LIN28B: variants seen among roughly 807,000 people sequenced by gnomAD.
LIN28B encodes protein lin-28 homolog B.
Under a neutral mutation model 21.9 loss-of-function variants are expected in LIN28B, and 5 were observed. The ratio of observed to expected loss-of-function variants is 0.23; its 90% CI spans 0.12 to 0.48. LIN28B has a LOEUF of 0.48. Ranked by LOEUF, LIN28B falls within the 20% of genes least tolerant of loss-of-function variation. The pLI is 0.98. For missense variants in LIN28B, 245 were observed against 310.5 expected (o/e 0.79, Z 1.58); for synonymous variants, 109 against 111.3 (o/e 0.98, Z 0.13).
intron 3 of LIN28B, among the ~76,000 whole-genome samples, chr6:105,063,648 GAAAA>G (rs1230150037): frequency 1.5e-5 from 2 of 133,306 alleles, no homozygotes; most frequent in South Asian, 5.0e-4. Flanking sequence ...GGGGGGGGGG[GAAAA>G]AAAGGTAAAG....
chr6:105,045,541 C>CT (rs1258260799), intron 3 of LIN28B: 1 of 152,150 alleles, frequency 6.6e-6, no homozygotes, highest in African/African-American at 2.4e-5. Flanking sequence ...CCGCCTCAGT[C>CT]TCCCAAACTG....
intron 3 of LIN28B, among the ~76,000 whole-genome samples, chr6:105,052,322 G>A (rs747968810): frequency 7.9e-5 from 12 of 152,112 alleles, no homozygotes; most frequent in African/African-American, 1.4e-4. Context: ...GAATACCACC[G>A]ATTAGGTAAT....
At chr6:104,984,178 A>AT (rs1441550371) in intron 2 of LIN28B, among the ~76,000 whole-genome samples, 1 of 152,208 alleles carries the variant, frequency 6.6e-6, no homozygotes, top group Non-Finnish European at 1.5e-5. Context: ...AGTGATTTTA[A>AT]TTTTTATTTG....
intron 2 of LIN28B, among the ~76,000 whole-genome samples, chr6:104,958,701 G>C (rs941941405): frequency 1.1e-4 from 17 of 152,136 alleles, no homozygotes; most frequent in African/African-American, 3.6e-4. Flanking sequence ...GAAATGTATA[G>C]ATTGCCTTAT....
chr6:105,053,714 C>CATGTGT (rs61525783), intron 3 of LIN28B, among the ~76,000 whole-genome samples: 2,353 of 147,318 alleles, frequency 0.016, 37 homozygotes, highest in African/African-American at 0.036. Flanking sequence ...TGTGTGGGTG[C>CATGTGT]GTGTGTGTGT....
At chr6:105,064,587 A>G (rs2114406330) in intron 3 of LIN28B, among the ~76,000 whole-genome samples, 1 of 152,342 alleles carries the variant, frequency 6.6e-6, no homozygotes, top group Non-Finnish European at 1.5e-5. Flanking sequence ...AAACACATAA[A>G]GAGAACTTTA....
chr6:105,074,517 A>T (rs1772389065), intron 3 of LIN28B, among the ~76,000 whole-genome samples: 1 of 152,016 alleles, frequency 6.6e-6, no homozygotes, highest in South Asian at 2.1e-4. Context: ...GAAATTATAA[A>T]TCTTATTTTG....
intron 3 of LIN28B, among the ~76,000 whole-genome samples, chr6:105,070,876 C>G (rs534922327): frequency 6.6e-6 from 1 of 152,110 alleles, no homozygotes; most frequent in East Asian, 1.9e-4. Flanking sequence ...TTTTTACATT[C>G]ATTCATTCAT....
intron 2 of LIN28B, among the ~76,000 whole-genome samples, chr6:105,006,273 A>G (rs1209367509): frequency 6.6e-6 from 1 of 152,010 alleles, no homozygotes; most frequent in African/African-American, 2.4e-5. Context: ...TTTTTGTTCC[A>G]CTCAGCATAG....
chr6:104,952,853 T>C (rs1473971163), upstream of LIN28B, among the ~76,000 whole-genome samples: 3 of 152,214 alleles, frequency 2.0e-5, no homozygotes, highest in Non-Finnish European at 4.4e-5. Context: ...TGTATAAAAA[T>C]TCTAACGTTG....
intron 2 of LIN28B, among the ~76,000 whole-genome samples, chr6:105,008,851 C>A (rs907338587): frequency 6.6e-6 from 1 of 152,054 alleles, no homozygotes; most frequent in Non-Finnish European, 1.5e-5. Context: ...TGGTTAAAAA[C>A]AAAAAGGAAA....
chr6:104,993,833 C>CAAA (rs568787406), intron 2 of LIN28B, among the ~76,000 whole-genome samples: 8 of 89,154 alleles, frequency 9.0e-5, no homozygotes, highest in African/African-American at 2.7e-4. Context: ...GAGATTGTCT[C>CAAA]AAAAAAAAAA....
At chr6:105,071,854 A>G (rs919768709) in intron 3 of LIN28B, among the ~76,000 whole-genome samples, 6 of 152,252 alleles carry the variant, frequency 3.9e-5, no homozygotes, top group African/African-American at 1.4e-4. Context: ...ATTCCAATTT[A>G]TAATCTTAAA....
intron 2 of LIN28B, among the ~76,000 whole-genome samples, chr6:105,008,991 A>T (rs185007348): frequency 6.6e-6 from 1 of 152,344 alleles, no homozygotes; most frequent in Admixed American, 6.5e-5. Flanking sequence ...TGAGGATTAC[A>T]TTCTGTGTCT....
At chr6:105,014,395 C>T (rs1770985119) in intron 2 of LIN28B, among the ~76,000 whole-genome samples, 1 of 152,238 alleles carries the variant, frequency 6.6e-6, no homozygotes, top group South Asian at 2.1e-4. Flanking sequence ...TCTTGGCTCA[C>T]TGTAACCTCC....
intron 2 of LIN28B, among the ~76,000 whole-genome samples, chr6:104,963,841 A>T (rs1288285592): frequency 6.6e-6 from 1 of 152,240 alleles, no homozygotes; most frequent in African/African-American, 2.4e-5. Context: ...TATTCACAAC[A>T]AATGAATGCA....
intron 2 of LIN28B, among the ~76,000 whole-genome samples, chr6:104,960,176 A>T (rs1198561505): frequency 6.6e-6 from 1 of 152,134 alleles, no homozygotes; most frequent in African/African-American, 2.4e-5. Context: ...TATTAAAAGG[A>T]CAGTATTAAA....
rs920554097 is a variant in LIN28B, at chr6:104,979,016, A to T, written c.198+20730A>T. ...TTAGTTACTAGTTTTTAGAGGGCCT[A>T]AACATTAGACATAAGAAACTACCAG... is the stretch of plus-strand genomic sequence containing the variant. On this transcript the variant is annotated intron_variant, in intron 2 of 3. Coordinates refer to ENST00000345080, the MANE Select transcript of LIN28B (RefSeq NM_001004317.4). Among the ~76,000 whole-genome samples the T allele has an allele frequency of 3.9e-5, 6 of 152,272 alleles. No homozygotes were observed. In the East Asian group the frequency reaches 1.2e-3, roughly 29 times the overall value.
At chr6:105,031,490 A>G (rs1310772096) in intron 3 of LIN28B, among the ~76,000 whole-genome samples, 1 of 151,792 alleles carries the variant, frequency 6.6e-6, no homozygotes, top group Non-Finnish European at 1.5e-5. Context: ...ATAAATATAT[A>G]CATAATATTA....
Sources: gnomAD v4.1 joint callset for allele counts (sites outside exome capture counted in the v4.1 genomes callset) on GRCh38, gnomAD v4.1.1 for gene constraint, MANE v1.5 for transcripts, NCBI Gene and HGNC (gene_info 2026-07-23, HGNC 2026-07-21) for gene names.